Variants in GALNTL6 observed in about 807,000 individuals in gnomAD.
GALNTL6 encodes the protein polypeptide N-acetylgalactosaminyltransferase-like 6.
In GALNTL6, 46 loss-of-function variants were observed where a neutral mutation model predicts 73.7. That is an observed-to-expected ratio of 0.62 (90% CI 0.49 to 0.80). The LOEUF (loss-of-function observed/expected upper bound fraction) is 0.80. Ranked by LOEUF, GALNTL6 falls within the 30% of genes least tolerant of loss-of-function variation. The pLI, the probability that GALNTL6 is intolerant of heterozygous loss-of-function variation, is 0.00. For missense variants in GALNTL6, 604 were observed against 755.0 expected (o/e 0.80, Z 2.34); for synonymous variants, 259 against 263.7 (o/e 0.98, Z 0.17).
At chr4:172,735,305 AC>A (rs1175916116) in intron 5 of GALNTL6, among the ~76,000 whole-genome samples, 3 of 152,164 alleles carry the variant, frequency 2.0e-5, no homozygotes, top group African/African-American at 7.2e-5. Flanking sequence ...TGAGACATGG[AC>A]TCAAAGGAGA....
At chr4:172,081,507 G>A (rs780797115) in intron 2 of GALNTL6, among the ~76,000 whole-genome samples, 6 of 152,250 alleles carry the variant, frequency 3.9e-5, no homozygotes, top group South Asian at 2.1e-4. Context: ...GCGTGGTAGC[G>A]CATGCCTGTA....
chr4:172,043,573 A>G (rs2110844493), intron 2 of GALNTL6, among the ~76,000 whole-genome samples: 1 of 152,186 alleles, frequency 6.6e-6, no homozygotes, highest in Non-Finnish European at 1.5e-5. Flanking sequence ...TTCATCTTTT[A>G]AAGGTTTTAT....
intron 2 of GALNTL6, among the ~76,000 whole-genome samples, chr4:171,836,492 A>G (rs1410791479): frequency 6.6e-6 from 1 of 152,150 alleles, no homozygotes; most frequent in Non-Finnish European, 1.5e-5. Flanking sequence ...TGCAAATACA[A>G]CAGAAAAAAT....
At chr4:171,948,412 T>C (rs1404553011) in intron 2 of GALNTL6, among the ~76,000 whole-genome samples, 2 of 152,212 alleles carry the variant, frequency 1.3e-5, no homozygotes, top group African/African-American at 4.8e-5. Flanking sequence ...TGTAAATGTA[T>C]ATACCATGTG....
chr4:172,359,826 C>T (rs1191331396), intron 5 of GALNTL6, among the ~76,000 whole-genome samples: 2 of 152,280 alleles, frequency 1.3e-5, no homozygotes, highest in African/African-American at 2.4e-5. Flanking sequence ...TTCTACTTCT[C>T]TGTGAAAGGT....
In GALNTL6 at chr4:172,871,593, G is replaced by T. The variant is rs950478181; in HGVS notation, c.924-11197G>T. Among the ~76,000 whole-genome samples the T allele has an allele frequency of 1.1e-3, 132 of 124,730 alleles. 1 individual carries two copies. Among genetic ancestry groups the T allele is most frequent in the Non-Finnish European group, 1.8e-3 (102 of 58,182 alleles). 81.8% of individuals were successfully genotyped at this position (124,730 alleles called of 152,430 possible). A position where few individuals can be genotyped will look rare whatever the true frequency, so the allele number is the denominator to read the frequency against. Reference sequence around the variant, plus strand: ...GGATCTATAGTCTCTGACTCTGGGGGGGGTGTGTGTGTGTGAGAGTGTGTG... The same window carrying T: ...GGATCTATAGTCTCTGACTCTGGGGTGGGTGTGTGTGTGTGAGAGTGTGTG... On this transcript the variant is annotated intron_variant, in intron 7 of 12. Transcript: ENST00000506823.
chr4:172,031,362 C>T (rs1741763617), intron 2 of GALNTL6, among the ~76,000 whole-genome samples: 1 of 152,100 alleles, frequency 6.6e-6, no homozygotes. Context: ...AGAAAACAAA[C>T]TCCAATGGGG....
chr4:172,562,430 G>A (rs948443514), intron 5 of GALNTL6, among the ~76,000 whole-genome samples: 1 of 152,178 alleles, frequency 6.6e-6, no homozygotes, highest in Admixed American at 6.5e-5. Context: ...CTGGCCCTGG[G>A]CTTCCTCACC....
At chr4:172,671,290 T>C (rs1731966059) in intron 5 of GALNTL6, among the ~76,000 whole-genome samples, 1 of 152,224 alleles carries the variant, frequency 6.6e-6, no homozygotes. Flanking sequence ...GAGCATGGAA[T>C]GTTTTTCCAT....
chr4:172,310,427 C>T lies in GALNTL6; in HGVS notation c.248-1187C>T, dbSNP rs540138052. Among the ~76,000 whole-genome samples, 12 of 152,130 alleles carry T rather than the reference C, an allele frequency of 7.9e-5. No individual in the cohort carries two copies. In the East Asian group the frequency reaches 1.2e-3, roughly 15 times the overall value. On this transcript the variant is annotated intron_variant, in intron 3 of 12. Coordinates refer to ENST00000506823, the MANE Select transcript of GALNTL6 (RefSeq NM_001034845.3). ...CTGAGATTGCAGGTGTGTGCCACCA[C>T]GCCTGCCTAATTTTTGTATTTTTAG...
chr4:172,807,809 T>A (rs182380304), intron 5 of GALNTL6, among the ~76,000 whole-genome samples: 1 of 152,118 alleles, frequency 6.6e-6, no homozygotes, highest in Admixed American at 6.6e-5. Flanking sequence ...CCCATCTGTA[T>A]TTGTTTGTTT....
chr4:172,781,317 A>C (rs1041778206), intron 5 of GALNTL6, among the ~76,000 whole-genome samples: 1 of 152,204 alleles, frequency 6.6e-6, no homozygotes, highest in African/African-American at 2.4e-5. Context: ...CGAAGGAGTA[A>C]ATATGAATTT....
chr4:172,416,761 A>C (rs1038831755), intron 5 of GALNTL6, among the ~76,000 whole-genome samples: 2 of 152,190 alleles, frequency 1.3e-5, no homozygotes, highest in Non-Finnish European at 2.9e-5. Context: ...AGATGATTAT[A>C]GTCATGTAAA....
At chr4:171,945,292 G>A (rs556757943) in intron 2 of GALNTL6, among the ~76,000 whole-genome samples, 21 of 152,154 alleles carry the variant, frequency 1.4e-4, no homozygotes, top group African/African-American at 4.8e-4. Context: ...TCTTGGGTGT[G>A]CACTCAAGCG....
chr4:172,845,365 A>G (rs962350661), intron 7 of GALNTL6, among the ~76,000 whole-genome samples: 3 of 152,282 alleles, frequency 2.0e-5, no homozygotes, highest in Middle Eastern at 3.4e-3. Context: ...TTCCAGGAAC[A>G]CAGCATTTTG....
intron 2 of GALNTL6, among the ~76,000 whole-genome samples, chr4:171,956,031 T>C (rs1196307669): frequency 6.6e-6 from 1 of 152,080 alleles, no homozygotes; most frequent in East Asian, 1.9e-4. Flanking sequence ...GGCCTCATTC[T>C]GTCACCTGTC....
Position 172,921,209 on chromosome 4 carries a change from T to G in GALNTL6, c.1042-9952T>G, listed in dbSNP as rs540598742. 1.9e-4 allele frequency among the ~76,000 whole-genome samples: 29 copies of G among 152,352 alleles called. 1 individual carries two copies. The East Asian group carries it at 5.2e-3, about 27-fold the overall frequency. On this transcript the variant is annotated intron_variant, in intron 8 of 12. Transcript: ENST00000506823. ...ATAAGATTAGAGAGATAGCCAATTT[T>G]GGGGCTGAATGCTTTTAATAAATAC...
intron 8 of GALNTL6, among the ~76,000 whole-genome samples, chr4:172,930,897 TC>T (rs1476548288): frequency 6.6e-6 from 1 of 152,174 alleles, no homozygotes. Context: ...CCACCTGGGC[TC>T]AAGTGATCCT....
intron 8 of GALNTL6, among the ~76,000 whole-genome samples, chr4:172,893,416 G>A (rs75370551): frequency 2.0e-5 from 3 of 151,698 alleles, no homozygotes; most frequent in East Asian, 3.9e-4. Context: ...CAGTGTGCTC[G>A]AATCCTGGGA....
Sources: allele counts gnomAD v4.1 joint callset (sites outside exome capture counted in the v4.1 genomes callset), GRCh38; gene constraint gnomAD v4.1.1; transcripts MANE v1.5; gene names NCBI Gene and HGNC (gene_info 2026-07-23, HGNC 2026-07-21).